GNAI1: variants seen among roughly 807,000 people sequenced by gnomAD.
GNAI1 encodes guanine nucleotide-binding protein G(i) subunit alpha-1.
In GNAI1, 11 loss-of-function variants were observed where a neutral mutation model predicts 38.9. That is an observed-to-expected ratio of 0.28 (90% CI 0.18 to 0.47). The LOEUF (loss-of-function observed/expected upper bound fraction) is 0.47. Ranked by LOEUF, GNAI1 falls within the 20% of genes least tolerant of loss-of-function variation. The probability of loss-of-function intolerance (pLI) is 0.99; values close to 1 mark genes in which losing one functional copy is unlikely to be tolerated. For missense variants in GNAI1, 317 were observed against 436.9 expected, an observed-to-expected ratio of 0.73 and a Z score of 2.45; for synonymous variants, 166 against 145.1, an observed-to-expected ratio of 1.14 and a Z score of -1.04.
intron 1 of GNAI1, among the ~76,000 whole-genome samples, chr7:80,186,491 T>A (rs1414202977): frequency 6.6e-6 from 1 of 152,142 alleles, no homozygotes; most frequent in African/African-American, 2.4e-5. Flanking sequence ...CAGGAAAATT[T>A]GTTTTTTTTT....
intron 1 of GNAI1, among the ~76,000 whole-genome samples, chr7:80,156,042 C>CAAAAAAAAAAA (rs1182960135): frequency 3.5e-4 from 24 of 68,500 alleles, no homozygotes; most frequent in East Asian, 5.5e-4. Context: ...GACTCTGTCT[C>CAAAAAAAAAAA]AAAAAAAAAA....
intron 5 of GNAI1, among the ~76,000 whole-genome samples, chr7:80,205,126 G>A (rs1788750989): frequency 6.6e-6 from 1 of 152,110 alleles, no homozygotes; most frequent in Non-Finnish European, 1.5e-5. Flanking sequence ...AGCTTTGGGA[G>A]GCCCGTCTGA....
Position 80,177,653 on chromosome 7 carries a change from T to C in GNAI1, c.119-11298T>C, listed in dbSNP as rs111371193. Among the ~76,000 whole-genome samples, 284 of 152,254 alleles carry C rather than the reference T, an allele frequency of 1.9e-3. 1 individual carries two copies. Among genetic ancestry groups the C allele is most frequent in the African/African-American group, 6.3e-3 (263 of 41,554 alleles). ...GCCTGGCCAGTGTTTTTTATTCTTA[T>C]TTTTTGTAGAGTTGGGGGTCTTGTA... On this transcript the variant is annotated intron_variant, in intron 1 of 7. Coordinates refer to ENST00000649796, the MANE Select transcript of GNAI1 (RefSeq NM_002069.6).
chr7:80,217,244 T>TTTCATATGTATTAAACTGA, intron 7 of GNAI1, 59 bp from the exon 8 acceptor site: 2 of 1,093,796 alleles, frequency 1.8e-6, no homozygotes, highest in Non-Finnish European at 2.6e-6. Flanking sequence ...CTGAATTCAG[T>TTTCATATGTATTAAACTGA]ATTTTAAGCA....
At chr7:80,143,923 C>CGT (rs1388969269) in intron 1 of GNAI1, among the ~76,000 whole-genome samples, 3,462 of 131,656 alleles carry the variant, frequency 0.026, 63 homozygotes, top group Non-Finnish European at 0.036. Context: ...TGTGTGTGTG[C>CGT]GCGCGTGTGT....
chr7:80,174,312 T>A lies in GNAI1; in HGVS notation c.119-14639T>A, dbSNP rs1360906526. Among the ~76,000 whole-genome samples the A allele has an allele frequency of 5.3e-5, 8 of 152,122 alleles. 1 individual carries two copies. Among genetic ancestry groups the A allele is most frequent in the Admixed American group, 5.2e-4 (8 of 15,274 alleles). On this transcript the variant is annotated intron_variant, in intron 1 of 7. Coordinates refer to ENST00000649796, the MANE Select transcript of GNAI1 (RefSeq NM_002069.6). ...TCATTGTTCTGAGTTTTAATTTTTT[T>A]AAATTTATTTTTTAAACAATATTTC...
intron 1 of GNAI1, among the ~76,000 whole-genome samples, chr7:80,164,345 T>C (rs943880616): frequency 4.6e-5 from 7 of 151,176 alleles, no homozygotes; most frequent in Non-Finnish European, 3.0e-5. Context: ...CTGGCTGCTT[T>C]CTTTTTTTCT....
chr7:80,157,692 T>C (rs967938718), intron 1 of GNAI1, among the ~76,000 whole-genome samples: 1 of 152,146 alleles, frequency 6.6e-6, no homozygotes, highest in African/African-American at 2.4e-5. Context: ...TGATGACATA[T>C]GTGAAGCACC....
chr7:80,210,602 C>T (rs1156584655), intron 5 of GNAI1, among the ~76,000 whole-genome samples: 1 of 152,106 alleles, frequency 6.6e-6, no homozygotes, highest in East Asian at 1.9e-4. Context: ...TCTGCATTCC[C>T]CAGTTGCTTC....
intron 1 of GNAI1, chr7:80,135,824 C>A (rs948395388): frequency 2.0e-6 from 2 of 984,808 alleles, no homozygotes; most frequent in Non-Finnish European, 2.4e-6. Flanking sequence ...CTTCCTATGG[C>A]GACTCCTTAA....
chr7:80,223,609 T>A lies in GNAI1; in HGVS notation c.*6116T>A, dbSNP rs752037287. On this transcript the variant is annotated 3_prime_UTR_variant, in exon 8 of 8. Transcript: ENST00000649796. Reference sequence around the variant, plus strand: ...GTACTGAGGTATCAATTTTGTAGCTTGTGGAATGCGGACTATCCCAGCAGC... The same window carrying A: ...GTACTGAGGTATCAATTTTGTAGCTAGTGGAATGCGGACTATCCCAGCAGC... 2.0e-5 allele frequency among the ~76,000 whole-genome samples: 3 copies of A among 152,190 alleles called. No homozygotes were observed. Among genetic ancestry groups the A allele is most frequent in the Non-Finnish European group, 4.4e-5 (3 of 68,030 alleles).
At chr7:80,160,649 T>A (rs1487448831) in intron 1 of GNAI1, among the ~76,000 whole-genome samples, 1 of 152,200 alleles carries the variant, frequency 6.6e-6, no homozygotes, top group Non-Finnish European at 1.5e-5. Context: ...GCCAGTGTAT[T>A]ATCTGTTGTG....
intron 1 of GNAI1, among the ~76,000 whole-genome samples, chr7:80,148,342 T>C (rs564834495): frequency 6.6e-6 from 1 of 152,254 alleles, no homozygotes; most frequent in East Asian, 1.9e-4. Flanking sequence ...ACTTAAACTG[T>C]AATTTAAAAA....
chr7:80,209,697 T>A (rs2115702344), intron 5 of GNAI1, among the ~76,000 whole-genome samples: 1 of 152,300 alleles, frequency 6.6e-6, no homozygotes, highest in Non-Finnish European at 1.5e-5. Flanking sequence ...TCAGAGAAGT[T>A]ATCTGAGATA....
chr7:80,152,011 A>G (rs2116102195), intron 1 of GNAI1, among the ~76,000 whole-genome samples: 1 of 152,214 alleles, frequency 6.6e-6, no homozygotes, highest in South Asian at 2.1e-4. Context: ...TAATTTTTTC[A>G]CTTTGTTCTC....
At chr7:80,151,621 A>G (rs946695293) in intron 1 of GNAI1, among the ~76,000 whole-genome samples, 3 of 152,224 alleles carry the variant, frequency 2.0e-5, no homozygotes, top group East Asian at 3.9e-4. Flanking sequence ...AAATGCCTCA[A>G]TGAAGCATCA....
intron 1 of GNAI1, among the ~76,000 whole-genome samples, chr7:80,181,205 C>G (rs1788287678): frequency 6.6e-6 from 1 of 152,148 alleles, no homozygotes; most frequent in Non-Finnish European, 1.5e-5. Flanking sequence ...ACACCACTCT[C>G]ATGGGCCACT....
intron 1 of GNAI1, among the ~76,000 whole-genome samples, chr7:80,185,054 A>G (rs975171744): frequency 3.3e-5 from 5 of 152,180 alleles, no homozygotes; most frequent in Admixed American, 6.5e-5. Context: ...TGCTCTTGGT[A>G]GATGGGAGCA....
intron 1 of GNAI1, among the ~76,000 whole-genome samples, chr7:80,138,226 G>T (rs113901017): frequency 6.6e-6 from 1 of 152,082 alleles, no homozygotes; most frequent in Non-Finnish European, 1.5e-5. Flanking sequence ...GGAATGTATT[G>T]TCATTTTAAA....
Sources: gnomAD v4.1 joint callset for allele counts (sites outside exome capture counted in the v4.1 genomes callset) on GRCh38, gnomAD v4.1.1 for gene constraint, MANE v1.5 for transcripts, NCBI Gene and HGNC (gene_info 2026-07-23, HGNC 2026-07-21) for gene names.